Variants in GRIP1 observed in about 807,000 individuals in gnomAD.
GRIP1 encodes glutamate receptor interacting protein 1.
GRIP1 carries 45 observed loss-of-function variants against 129.9 expected under a neutral mutation model. The ratio of observed to expected loss-of-function variants is 0.35; its 90% CI spans 0.27 to 0.44. The LOEUF (loss-of-function observed/expected upper bound fraction) is 0.44, where lower values mean the gene tolerates loss of function less well. Among genes scored for constraint, GRIP1 ranks in the 20% least tolerant of loss-of-function variants. GRIP1 has a pLI of 1.00. For missense variants in GRIP1, 1,196 were observed against 1,396.8 expected (o/e 0.86, Z 2.29); for synonymous variants, 530 against 520.8 (o/e 1.02, Z -0.24).
chr12:66,620,114 GT>G (rs1326959328), intron 1 of GRIP1, among the ~76,000 whole-genome samples: 3 of 152,192 alleles, frequency 2.0e-5, no homozygotes, highest in African/African-American at 7.2e-5. Context: ...GTAGAAAGTA[GT>G]GGAGCAGAGA....
chr12:67,052,369 GTAATTAC>G (rs2043360096), intron 1 of GRIP1, among the ~76,000 whole-genome samples: 1 of 152,124 alleles, frequency 6.6e-6, no homozygotes, highest in Non-Finnish European at 1.5e-5. Flanking sequence ...ATAGGATCTT[GTAATTAC>G]TACATTATTG....
intron 7 of GRIP1, among the ~76,000 whole-genome samples, chr12:66,466,758 A>G (rs929394389): frequency 2.0e-5 from 3 of 152,096 alleles, no homozygotes; most frequent in Non-Finnish European, 4.4e-5. Context: ...GAGTCATGTC[A>G]TTTTTCAAGA....
chr12:66,604,562 C>G (rs887145857), intron 1 of GRIP1, among the ~76,000 whole-genome samples: 2 of 152,208 alleles, frequency 1.3e-5, no homozygotes, highest in African/African-American at 4.8e-5. Context: ...TTCAGTATAT[C>G]TTTCACATTT....
intron 1 of GRIP1, among the ~76,000 whole-genome samples, chr12:66,974,725 GCA>G (rs996453866): frequency 2.5e-4 from 38 of 152,168 alleles, no homozygotes; most frequent in African/African-American, 8.4e-4. Flanking sequence ...GATTTTTACT[GCA>G]CATTTTCCTT....
intron 1 of GRIP1, among the ~76,000 whole-genome samples, chr12:66,713,279 T>C (rs761989110): frequency 1.7e-4 from 26 of 152,154 alleles, no homozygotes; most frequent in Non-Finnish European, 3.2e-4. Context: ...ATGATTCAAA[T>C]GTCTAGCCAG....
At chr12:66,573,239 G>A (rs143860801) in intron 2 of GRIP1, among the ~76,000 whole-genome samples, 2 of 151,846 alleles carry the variant, frequency 1.3e-5, no homozygotes, top group Admixed American at 6.6e-5. Context: ...AACTGAATTC[G>A]GCCAACAACC....
At chr12:67,068,855 C>T (rs1422895248) in intron 1 of GRIP1, among the ~76,000 whole-genome samples, 2 of 16,786 alleles carry the variant, frequency 1.2e-4, no homozygotes, top group Non-Finnish European at 3.0e-4. Context: ...CTCATCCCGC[C>T]CCCCCCCCCC....
intron 1 of GRIP1, among the ~76,000 whole-genome samples, chr12:66,651,042 C>T (rs76804294): frequency 0.068 from 10,330 of 152,226 alleles, 465 homozygotes; most frequent in Non-Finnish European, 0.095. Flanking sequence ...TACTACTGTA[C>T]ACAGTTAGTA....
chr12:66,473,153 C>T (rs1268658851), intron 7 of GRIP1, among the ~76,000 whole-genome samples: 1 of 152,080 alleles, frequency 6.6e-6, no homozygotes, highest in Non-Finnish European at 1.5e-5. Context: ...AGGGGCGTCC[C>T]TCAATACTGG....
At chr12:66,458,247 ACC>A (rs1001258652) in intron 9 of GRIP1, among the ~76,000 whole-genome samples, 25 of 151,044 alleles carry the variant, frequency 1.7e-4, no homozygotes, top group African/African-American at 5.8e-4. Context: ...TCAAGCTGCC[ACC>A]TCCTTCATCT....
chr12:66,462,915 C>A lies in GRIP1; in HGVS notation c.1042+9G>T. On this transcript the variant is annotated intron_variant, in intron 9 of 24. Coordinates refer to ENST00000359742, the MANE Select transcript of GRIP1 (RefSeq NM_001366722.1). ...AGAGAAAGAGCTTGATCCAGGTGGA[C>A]CATCTCACCATGGTCGGGCCCCTTT... 6.2e-7 allele frequency: 1 copy of A among 1,609,946 alleles called. No homozygotes were observed. Among genetic ancestry groups the A allele is most frequent in the Non-Finnish European group, 8.5e-7 (1 of 1,177,422 alleles).
At chr12:66,611,181 T>C (rs2139879023) in intron 1 of GRIP1, among the ~76,000 whole-genome samples, 2 of 152,296 alleles carry the variant, frequency 1.3e-5, no homozygotes, top group Middle Eastern at 3.4e-3. Flanking sequence ...ATCACATTTA[T>C]GTAAACAGAG....
At chr12:66,468,245 G>A (rs2059341471) in intron 7 of GRIP1, among the ~76,000 whole-genome samples, 1 of 152,190 alleles carries the variant, frequency 6.6e-6, no homozygotes, top group South Asian at 2.1e-4. Context: ...CCCCTTGCTG[G>A]TGGAATGTGG....
chr12:66,639,176 T>C (rs2031695361), intron 1 of GRIP1, among the ~76,000 whole-genome samples: 1 of 152,176 alleles, frequency 6.6e-6, no homozygotes, highest in South Asian at 2.1e-4. Context: ...TTACTATTAG[T>C]ATACCACCGT....
At chr12:66,812,086 T>C (rs1339772014) in intron 1 of GRIP1, among the ~76,000 whole-genome samples, 3 of 152,196 alleles carry the variant, frequency 2.0e-5, no homozygotes, top group Non-Finnish European at 4.4e-5. Flanking sequence ...CAGCCATTTA[T>C]CCAATTTGAG....
At chr12:66,873,885 G>A (rs375222472) in intron 1 of GRIP1, among the ~76,000 whole-genome samples, 7 of 152,046 alleles carry the variant, frequency 4.6e-5, no homozygotes, top group East Asian at 1.9e-4. Flanking sequence ...TGAGCAGATC[G>A]TTGCAGCTGA....
intron 1 of GRIP1, among the ~76,000 whole-genome samples, chr12:66,635,647 T>C (rs2031288339): frequency 6.6e-6 from 1 of 151,908 alleles, no homozygotes; most frequent in African/African-American, 2.4e-5. Flanking sequence ...AAAGAGATTG[T>C]AAATATCAGA....
At chr12:66,544,019 A>G (rs185930959) in intron 2 of GRIP1, among the ~76,000 whole-genome samples, 3 of 152,316 alleles carry the variant, frequency 2.0e-5, no homozygotes, top group East Asian at 1.9e-4. Flanking sequence ...ATGCACGGGT[A>G]CAGCCTTATG....
chr12:66,396,435 G>GT, intron 16 of GRIP1, among the ~76,000 whole-genome samples: 1 of 152,150 alleles, frequency 6.6e-6, no homozygotes, highest in Admixed American at 6.5e-5. Flanking sequence ...GGGGCACCTG[G>GT]TTCTACTCAG....
Sources: allele counts gnomAD v4.1 joint callset (sites outside exome capture counted in the v4.1 genomes callset), GRCh38; gene constraint gnomAD v4.1.1; transcripts MANE v1.5; gene names NCBI Gene and HGNC (gene_info 2026-07-23, HGNC 2026-07-21).